The following FNIP1 variants were observed in gnomAD, a reference collection of about 807,000 sequenced individuals.
The protein encoded by FNIP1 is folliculin-interacting protein 1.
In FNIP1, 40 loss-of-function variants were observed where a neutral mutation model predicts 124.5. The ratio of observed to expected loss-of-function variants is 0.32; its 90% confidence interval spans 0.25 to 0.42. The LOEUF is 0.42. FNIP1 is among the 10% of genes least tolerant of loss of function. FNIP1 has a pLI of 1.00. For missense variants in FNIP1, 1,176 were observed against 1,403.7 expected (o/e 0.84, Z 2.59); for synonymous variants, 472 against 470.6 (o/e 1.00, Z -0.04).
At chr5:131,775,067 C>T (rs533725265) in intron 1 of FNIP1, among the ~76,000 whole-genome samples, 2 of 152,156 alleles carry the variant, frequency 1.3e-5, no homozygotes, top group Non-Finnish European at 2.9e-5. Context: ...CCAGTTTCTC[C>T]GAAGTTGCTA....
At chr5:131,721,984 T>G (rs1295798648) in intron 3 of FNIP1, among the ~76,000 whole-genome samples, 3 of 152,240 alleles carry the variant, frequency 2.0e-5, no homozygotes, top group Admixed American at 1.3e-4. Context: ...CTTCCTCATT[T>G]TTTGAAGTCC....
Position 131,671,814 on chromosome 5 carries a change from T to C in FNIP1, c.2630A>G (p.Asn877Ser), listed in dbSNP as rs756350752. ...ACAAAATTCATTGTTCTGCTTGTTA[T>C]TTTTTGTACACAATATTTTTGAAAA... ...LEFSKILCTK[N>S]NKQNNEFCKC... The change falls in exon 14 of 18, where the codon AAT becomes AGT. Residue 877 changes from asparagine to serine, a missense_variant. Transcript: ENST00000510461. The C allele has an allele frequency of 2.5e-5, 40 of 1,613,928 alleles. No homozygotes were observed. In the East Asian group the frequency reaches 8.9e-4, roughly 36 times the overall value.
At chr5:131,725,105 C>G (rs1769815634) in intron 3 of FNIP1, among the ~76,000 whole-genome samples, 1 of 152,100 alleles carries the variant, frequency 6.6e-6, no homozygotes. Flanking sequence ...TTACTGTAGC[C>G]TTGTGGTATA....
At chr5:131,781,861 A>AG (rs914133216) in intron 1 of FNIP1, among the ~76,000 whole-genome samples, 18 of 152,336 alleles carry the variant, frequency 1.2e-4, no homozygotes, top group African/African-American at 4.3e-4. Flanking sequence ...GAAAAAAAAA[A>AG]GAAATACATT....
intron 3 of FNIP1, among the ~76,000 whole-genome samples, chr5:131,729,449 C>T (rs1050815066): frequency 2.6e-5 from 4 of 152,192 alleles, no homozygotes; most frequent in African/African-American, 9.7e-5. Flanking sequence ...TGAGCTCCGC[C>T]CAGTTCTAAC....
At chr5:131,656,912 G>A (rs900500100) in intron 15 of FNIP1, among the ~76,000 whole-genome samples, 2 of 151,734 alleles carry the variant, frequency 1.3e-5, no homozygotes, top group Non-Finnish European at 2.9e-5. Flanking sequence ...GCTAACCTCT[G>A]GACCTTGAAG....
At chr5:131,782,547 A>G (rs1297841080) in intron 1 of FNIP1, among the ~76,000 whole-genome samples, 2 of 146,566 alleles carry the variant, frequency 1.4e-5, no homozygotes, top group African/African-American at 4.9e-5. Context: ...CTTGAACAAC[A>G]GGGCTAGACT....
At chr5:131,756,469 G>C in intron 1 of FNIP1, among the ~76,000 whole-genome samples, 1 of 152,022 alleles carries the variant, frequency 6.6e-6, no homozygotes, top group East Asian at 1.9e-4. Context: ...AAGGAAAAAA[G>C]GCATCTATTT....
At chr5:131,756,335 C>G (rs997728891) in intron 1 of FNIP1, among the ~76,000 whole-genome samples, 1 of 151,948 alleles carries the variant, frequency 6.6e-6, no homozygotes, top group Non-Finnish European at 1.5e-5. Flanking sequence ...CAGAAATAAA[C>G]TGAAATTATC....
At chr5:131,676,885 T>C (rs1767928153) in intron 13 of FNIP1, among the ~76,000 whole-genome samples, 1 of 152,138 alleles carries the variant, frequency 6.6e-6, no homozygotes, top group African/African-American at 2.4e-5. Flanking sequence ...ATATGACATA[T>C]TGCCATATGA....
At chr5:131,784,951 T>C (rs886980451) in intron 1 of FNIP1, among the ~76,000 whole-genome samples, 1 of 147,226 alleles carries the variant, frequency 6.8e-6, no homozygotes, top group Non-Finnish European at 1.5e-5. Context: ...AGGGAACTAC[T>C]ATCATAAGTA....
intron 3 of FNIP1, among the ~76,000 whole-genome samples, chr5:131,720,475 C>T (rs1332717391): frequency 1.3e-5 from 2 of 152,040 alleles, no homozygotes; most frequent in Non-Finnish European, 2.9e-5. Flanking sequence ...CAGGTAACAA[C>T]AGCAAAAACA....
At chr5:131,785,079 CAT>C (rs745482222) in intron 1 of FNIP1, among the ~76,000 whole-genome samples, 1,053 of 12,366 alleles carry the variant, frequency 0.085, 42 homozygotes, top group Middle Eastern at 0.12. Flanking sequence ...ATATATATGA[CAT>C]ATATATATGA....
intron 15 of FNIP1, among the ~76,000 whole-genome samples, chr5:131,663,482 A>C (rs1767507650): frequency 6.6e-6 from 1 of 152,232 alleles, no homozygotes; most frequent in Non-Finnish European, 1.5e-5. Context: ...GGAAACTTTA[A>C]TCCCTGTAGG....
chr5:131,669,016 A>G (rs1038772934), intron 15 of FNIP1, among the ~76,000 whole-genome samples: 3 of 152,204 alleles, frequency 2.0e-5, no homozygotes, highest in Non-Finnish European at 2.9e-5. Flanking sequence ...TTCAGGAACA[A>G]AAGAGGGGAC....
chr5:131,760,505 T>C (rs1561694232), intron 1 of FNIP1, among the ~76,000 whole-genome samples: 1 of 152,188 alleles, frequency 6.6e-6, no homozygotes, highest in Non-Finnish European at 1.5e-5. Flanking sequence ...TCTACCCTTA[T>C]TTCCATTTGA....
intron 11 of FNIP1, among the ~76,000 whole-genome samples, chr5:131,680,535 G>A (rs1768046944): frequency 6.6e-6 from 1 of 152,156 alleles, no homozygotes; most frequent in South Asian, 2.1e-4. Context: ...GAAAATTGAA[G>A]ACAAATGTTT....
intron 15 of FNIP1, among the ~76,000 whole-genome samples, chr5:131,657,030 T>G (rs1449240210): frequency 2.0e-5 from 3 of 146,540 alleles, no homozygotes; most frequent in Admixed American, 2.0e-4. Flanking sequence ...TTTTTTTTTT[T>G]TTTTTTTTTT....
intron 11 of FNIP1, among the ~76,000 whole-genome samples, chr5:131,685,121 G>A (rs931478259): frequency 7.9e-5 from 12 of 152,102 alleles, no homozygotes; most frequent in Admixed American, 4.6e-4. Flanking sequence ...GACAAGGCAC[G>A]GTGGCTCATG....
Sources: allele counts gnomAD v4.1 joint callset (sites outside exome capture counted in the v4.1 genomes callset), GRCh38; gene constraint gnomAD v4.1.1; transcripts MANE v1.5; gene names NCBI Gene and HGNC (gene_info 2026-07-23, HGNC 2026-07-21).